The following BZW1 variants were observed in gnomAD, a reference collection of about 807,000 sequenced individuals.
BZW1 encodes eIF5-mimic protein 2.
Under a neutral mutation model 54.1 loss-of-function variants are expected in BZW1, and 3 were observed. The observed-to-expected ratio is 0.06, with a 90% CI of 0.03 to 0.14. The LOEUF (loss-of-function observed/expected upper bound fraction) is 0.14, where lower values mean the gene tolerates loss of function less well. Among genes scored for constraint, BZW1 ranks in the 10% least tolerant of loss-of-function variants. The pLI, the probability that BZW1 is intolerant of heterozygous loss-of-function variation, is 1.00. For synonymous variants in BZW1, 152 were observed against 162.7 expected, an observed-to-expected ratio of 0.93 and a Z score of 0.50; for missense variants, 206 against 491.7, an observed-to-expected ratio of 0.42 and a Z score of 5.50.
In BZW1 at chr2:200,822,161, G is replaced by T. The variant is rs1331634778; in HGVS notation, c.1243G>T (p.Ala415Ser). The change falls in exon 12 of 12, where the codon GCT becomes TCT. Residue 415 changes from alanine (A) to serine (S), a missense_variant. Physicochemically the swap from Ala to Ser is moderately conservative, Grantham distance 99 (BLOSUM62 1). This residue lies in a region of BZW1 where 60 missense variants were observed against 151.8 expected (regional missense o/e 0.40). Transcript: ENST00000409600. ...KNAEEESESEAEEGD is the reference protein window; with the variant it reads ...KNAEEESESESEEGD ...CCCTTTTCTAGAATCTGAATCTGAA[G>T]CTGAAGAAGGTGACTGAATTTTGAA... 1.9e-6 allele frequency: 3 copies of T among 1,605,500 alleles called. No individual in the cohort carries two copies. In the Admixed American group the frequency reaches 5.1e-5, roughly 27 times the overall value.
rs775292398 is a variant in BZW1 at position 200,817,829 on chromosome 2, CTG to C, written c.539-142_539-141del. 1.5e-4 allele frequency: 84 copies of C among 577,908 alleles called. 1 individual carries two copies. The highest frequency in any genetic ancestry group is 8.4e-4 in the Admixed American group (27 of 31,988). The allele number at this position is 577,908 out of a possible 1,614,324, so 35.8% of individuals were successfully genotyped here. A position where few individuals can be genotyped will look rare whatever the true frequency, so the allele number is the denominator to read the frequency against. On this transcript the variant is annotated intron_variant, in intron 6 of 11. Coordinates refer to ENST00000409600, the MANE Select transcript of BZW1 (RefSeq NM_001207067.2). ...CTAGGGAGATTGGAGAAGTGATAAA[CTG>C]TGGCCCAGGAAAGTTCAGGGTTAAG...
rs956426118 is a variant in BZW1, at chr2:200,812,214, C to T, written c.-11+224C>T. On this transcript the variant is annotated intron_variant, in intron 1 of 11. Coordinates refer to ENST00000409600, the MANE Select transcript of BZW1 (RefSeq NM_001207067.2). ...TGGGGAGGTGGGGTCCGGGTGTGCGCCGCGGCGCTGGCTGCGAAGGCAGTG... is the reference window on the plus strand; with the variant it reads ...TGGGGAGGTGGGGTCCGGGTGTGCGTCGCGGCGCTGGCTGCGAAGGCAGTG... 5.2e-5 allele frequency: 64 copies of T among 1,227,034 alleles called. 1 individual carries two copies. The African/African-American group carries it at 8.3e-4, about 16-fold the overall frequency. 76.0% of individuals were successfully genotyped at this position (1,227,034 alleles called of 1,614,324 possible).
chr2:200,815,300 A>G, intron 2 of BZW1, 41 bp from the exon 3 acceptor site: 4 of 1,545,402 alleles, frequency 2.6e-6, no homozygotes, highest in Non-Finnish European at 3.5e-6. Flanking sequence ...ATTTTGGTAA[A>G]TCTTTTAAAA....
chr2:200,813,324 C>T (rs1440322448), intron 2 of BZW1, 43 bp downstream of exon 2: 3 of 1,532,524 alleles, frequency 2.0e-6, no homozygotes, highest in East Asian at 2.3e-5. Context: ...ACCTCCAGAA[C>T]ATCTTGTGTA....
In BZW1 at chr2:200,824,753, G is replaced by C. The variant is rs2038647459; in HGVS notation, c.*2575G>C. ...GTGGCGCGATCTTGGCTCACTGCAA[G>C]TTCCGCCTCCCGGGTTCACGCCATT... On this transcript the variant is annotated 3_prime_UTR_variant, in exon 12 of 12. Transcript: ENST00000409600. 6.9e-6 allele frequency: 1 copy of C among 145,856 alleles called. No homozygotes were observed. The highest frequency in any genetic ancestry group is 2.6e-5 in the African/African-American group (1 of 39,084). The allele number at this position is 145,856 out of a possible 1,614,324, so 9.0% of individuals were successfully genotyped here.
Position 200,815,486 on chromosome 2 carries a change from CTT to C in BZW1, c.212_213del (p.Phe71Ter), listed in dbSNP as rs2038253160. 2 of 1,613,934 alleles carry C rather than the reference CTT, an allele frequency of 1.2e-6. No individual in the cohort carries two copies. The highest frequency in any genetic ancestry group is 1.7e-6 in the Non-Finnish European group (2 of 1,179,880). ...ATTACCGTCGATATGCAGAAACACT[CTT>C]TGACATTCTGGTGGCTGGTGGAATG... The part of the protein sequence containing the change: ...LDYRRYAETL[F>X]DILVAGGMLA... On this transcript the variant is annotated frameshift_variant, in exon 3 of 12. Coordinates refer to ENST00000409600, the MANE Select transcript of BZW1 (RefSeq NM_001207067.2). LOFTEE classifies it high-confidence loss of function.
chr2:200,818,802 G>C lies in BZW1; in HGVS notation c.867G>C (p.Glu289Asp). 6.3e-7 allele frequency: 1 copy of C among 1,597,452 alleles called. No homozygotes were observed. The highest frequency in any genetic ancestry group is 8.5e-7 in the Non-Finnish European group (1 of 1,175,848). Residue 289 changes from glutamate (E) to aspartate (D), a missense_variant, in exon 9 of 12, where the codon GAG (glutamate) becomes GAC (aspartate). Coordinates refer to ENST00000409600, the MANE Select transcript of BZW1 (RefSeq NM_001207067.2). The part of the protein sequence containing the change: ...KEEMKKNNIP[E>D]PVVIGIVWSS... ...AGATGAAAAAAAACAACATCCCAGAGCCAGTTGTCATCGGAATAGTCTGGT... is the reference window on the plus strand; with the variant it reads ...AGATGAAAAAAAACAACATCCCAGACCCAGTTGTCATCGGAATAGTCTGGT...
rs775964300 is a variant in BZW1, at chr2:200,811,956, G to T, written c.-45G>T. ...ACCGCCGCAGTTGCCGGTACATCGGGGATTTCTGGCTCTTTCCTCTTCGCC... is the reference window on the plus strand; with the variant it reads ...ACCGCCGCAGTTGCCGGTACATCGGTGATTTCTGGCTCTTTCCTCTTCGCC... On this transcript the variant is annotated 5_prime_UTR_variant, in exon 1 of 12. Coordinates refer to ENST00000409600, the MANE Select transcript of BZW1 (RefSeq NM_001207067.2). 1 of 315,350 alleles carries T rather than the reference G, an allele frequency of 3.2e-6. No individual in the cohort carries two copies. 19.5% of individuals were successfully genotyped at this position (315,350 alleles called of 1,614,324 possible).
chr2:200,819,954 C>T (rs1302287932), intron 9 of BZW1, 28 bp from the exon 10 acceptor site: 1 of 1,467,520 alleles, frequency 6.8e-7, no homozygotes, highest in East Asian at 2.5e-5. Flanking sequence ...TAATGAATGA[C>T]TAAATCTTTT....
In BZW1 at chr2:200,824,624, A is replaced by C. The variant is rs1009188768; in HGVS notation, c.*2446A>C. On this transcript the variant is annotated 3_prime_UTR_variant, in exon 12 of 12. Coordinates refer to ENST00000409600, the MANE Select transcript of BZW1 (RefSeq NM_001207067.2). ...GACCAAGAGGTTGGACTTCTAATTC[A>C]GTTTTTCAAAAGCTTTTTTCCATTA... 1 of 150,230 alleles carries C rather than the reference A, an allele frequency of 6.7e-6. No individual in the cohort carries two copies. Among genetic ancestry groups the C allele is most frequent in the African/African-American group, 2.5e-5 (1 of 40,778 alleles). 9.3% of individuals were successfully genotyped at this position (150,230 alleles called of 1,614,324 possible). A position where few individuals can be genotyped will look rare whatever the true frequency, so the allele number is the denominator to read the frequency against.
intron 11 of BZW1, 109 bp from the exon 12 acceptor site, chr2:200,822,038 C>T (rs190126908): frequency 4.1e-5 from 43 of 1,041,184 alleles, no homozygotes; most frequent in Admixed American, 1.0e-4. Context: ...TGCTGCATTC[C>T]GGCCTGTGGG....
intron 5 of BZW1, among the ~76,000 whole-genome samples, chr2:200,816,853 A>G (rs2038312633): frequency 6.6e-6 from 1 of 152,170 alleles, no homozygotes. Flanking sequence ...TGTTCTAATG[A>G]TACTAATTCA....
intron 9 of BZW1, 97 bp downstream of exon 9, chr2:200,818,998 T>TCTTAGAAAG (rs2038402116): frequency 1.4e-6 from 2 of 1,392,176 alleles, no homozygotes; most frequent in Middle Eastern, 1.8e-4. Flanking sequence ...TATCACATCC[T>TCTTAGAAAG]GTGGTTCCTA....
intron 9 of BZW1, among the ~76,000 whole-genome samples, chr2:200,819,722 G>A (rs2038437433): frequency 6.6e-6 from 1 of 152,032 alleles, no homozygotes; most frequent in Admixed American, 6.6e-5. Context: ...TTTTAGTAGA[G>A]ACGAGCTTTT....
At chr2:200,815,173 C>T (rs1003088034) in intron 2 of BZW1, among the ~76,000 whole-genome samples, 168 bp from the exon 3 acceptor site, 2 of 152,224 alleles carry the variant, frequency 1.3e-5, no homozygotes, top group Admixed American at 1.3e-4. Flanking sequence ...AAAAGTTGCA[C>T]AATTCTTGTG....
chr2:200,822,100 T>G, intron 11 of BZW1, 47 bp from the exon 12 acceptor site: 1 of 1,539,342 alleles, frequency 6.5e-7, no homozygotes, highest in Non-Finnish European at 8.9e-7. Flanking sequence ...ATGGGAACTT[T>G]TGCCTTCTGA....
intron 9 of BZW1, 67 bp from the exon 10 acceptor site, chr2:200,819,915 G>A (rs2038445886): frequency 7.5e-7 from 1 of 1,340,820 alleles, no homozygotes; most frequent in Non-Finnish European, 9.9e-7. Context: ...TGTCTGTATT[G>A]TAGGAGTTTT....
intron 1 of BZW1, 164 bp downstream of exon 1, chr2:200,812,154 T>G: frequency 8.9e-7 from 1 of 1,121,172 alleles, no homozygotes. Context: ...GGCCGCCGCT[T>G]CGGCAGGGAG....
chr2:200,822,289 AG>A lies in BZW1; in HGVS notation c.*114del, dbSNP rs2038557422. The stretch of plus-strand genomic sequence containing the variant: ...ACCTCCCTGTATCAAGCATGATATA[AG>A]GGCTTTCATGGCAAATTTTATTTTA... On this transcript the variant is annotated 3_prime_UTR_variant, in exon 12 of 12. Transcript: ENST00000409600. The A allele has an allele frequency of 2.1e-6, 2 of 940,524 alleles. No individual in the cohort carries two copies. The highest frequency in any genetic ancestry group is 5.6e-5 in the Admixed American group (2 of 35,860). 58.3% of individuals were successfully genotyped at this position (940,524 alleles called of 1,614,324 possible).
Sources: allele counts gnomAD v4.1 joint callset (sites outside exome capture counted in the v4.1 genomes callset), GRCh38; gene constraint gnomAD v4.1.1; regional missense constraint gnomAD v4.1.1; transcripts MANE v1.5; gene names NCBI Gene and HGNC (gene_info 2026-07-23, HGNC 2026-07-21).